XPO7: variants seen among roughly 807,000 people sequenced by gnomAD.
XPO7 encodes the protein exportin-7.
Under a neutral mutation model 144.3 loss-of-function variants are expected in XPO7, and 21 were observed. The observed-to-expected ratio is 0.15, with a 90% CI of 0.10 to 0.21. XPO7 has a LOEUF of 0.21. Among genes scored for constraint, XPO7 ranks in the 10% least tolerant of loss-of-function variants. The pLI is 1.00. For missense variants in XPO7, 808 were observed against 1,325.8 expected, an observed-to-expected ratio of 0.61 and a Z score of 6.06; for synonymous variants, 580 against 499.6, an observed-to-expected ratio of 1.16 and a Z score of -2.15.
Position 22,002,194 on chromosome 8 carries a change from G to A in XPO7, c.2865G>A (p.Lys955=). The part of the protein sequence containing the change: ...YLFKQLSRST[K]KRTTPLNQES... ...TCAAGCAGCTGTCACGTAGCACCAA[G>A]AAGAGGACCACACCCCTGAACCAGG... The change falls in exon 25 of 28, where the codon AAG becomes AAA. Residue 955 remains lysine, a synonymous_variant. Coordinates refer to ENST00000252512, the MANE Select transcript of XPO7 (RefSeq NM_015024.5). The A allele has an allele frequency of 1.2e-6, 2 of 1,613,434 alleles. No homozygotes were observed. Among genetic ancestry groups the A allele is most frequent in the Non-Finnish European group, 1.7e-6 (2 of 1,179,658 alleles).
chr8:21,951,577 A>G (rs938236747), intron 1 of XPO7, among the ~76,000 whole-genome samples: 4 of 152,220 alleles, frequency 2.6e-5, no homozygotes, highest in Admixed American at 2.0e-4. Context: ...AGAGCTGCAC[A>G]TAAAACCACC....
At chr8:21,979,995 GA>G (rs1483324340) in intron 8 of XPO7, 88 bp from the exon 9 acceptor site, 40 of 1,333,860 alleles carry the variant, frequency 3.0e-5, no homozygotes, top group Non-Finnish European at 3.8e-5. Flanking sequence ...ATATCCTAAA[GA>G]AGGATATTGT....
intron 17 of XPO7, 99 bp from the exon 18 acceptor site, chr8:21,990,712 C>A: frequency 1.6e-6 from 2 of 1,230,366 alleles, no homozygotes; most frequent in South Asian, 1.3e-5. Context: ...GACTACATAA[C>A]CATTGGCTTG....
chr8:21,920,712 G>A (rs900983458), intron 1 of XPO7, among the ~76,000 whole-genome samples: 1 of 152,186 alleles, frequency 6.6e-6, no homozygotes, highest in Non-Finnish European at 1.5e-5. Flanking sequence ...TTTCCTGTCT[G>A]TGCCAGAGAT....
At chr8:22,004,934 AAAAG>A in intron 27 of XPO7, 57 bp from the exon 28 acceptor site, 1 of 857,786 alleles carries the variant, frequency 1.2e-6, no homozygotes, top group Non-Finnish European at 1.7e-6. Context: ...AAAAAAAAAA[AAAAG>A]GCAAATACCT....
chr8:21,923,310 G>A (rs976091868), intron 1 of XPO7, among the ~76,000 whole-genome samples: 5 of 152,110 alleles, frequency 3.3e-5, no homozygotes, highest in African/African-American at 4.8e-5. Flanking sequence ...GAGCACACAC[G>A]TAGATACAAG....
chr8:21,951,770 T>A (rs142612846), intron 1 of XPO7, among the ~76,000 whole-genome samples: 1 of 152,332 alleles, frequency 6.6e-6, no homozygotes, highest in African/African-American at 2.4e-5. Context: ...AACCTCACGT[T>A]CTCAGCCCAG....
intron 1 of XPO7, among the ~76,000 whole-genome samples, chr8:21,959,460 C>T (rs769617355): frequency 2.0e-5 from 3 of 152,048 alleles, no homozygotes; most frequent in East Asian, 1.9e-4. Flanking sequence ...CTACAGTAGA[C>T]GGAGGAGTAG....
intron 1 of XPO7, among the ~76,000 whole-genome samples, chr8:21,948,659 T>G (rs1322004515): frequency 1.3e-5 from 2 of 152,242 alleles, no homozygotes; most frequent in African/African-American, 2.4e-5. Context: ...TTCATGTGGT[T>G]CAACCTGATA....
intron 1 of XPO7, among the ~76,000 whole-genome samples, chr8:21,956,834 C>G (rs1468621163): frequency 2.6e-5 from 4 of 151,446 alleles, no homozygotes. Flanking sequence ...GTTTCCTTCT[C>G]CCTATATAGT....
intron 1 of XPO7, among the ~76,000 whole-genome samples, chr8:21,949,602 C>G (rs1490916915): frequency 6.6e-6 from 1 of 152,160 alleles, no homozygotes; most frequent in Non-Finnish European, 1.5e-5. Flanking sequence ...GGAGTGTTAC[C>G]TATAGTGTTA....
intron 8 of XPO7, among the ~76,000 whole-genome samples, chr8:21,978,481 C>G (rs1255270996): frequency 6.6e-6 from 1 of 152,186 alleles, no homozygotes; most frequent in Non-Finnish European, 1.5e-5. Context: ...GAGGACTTTT[C>G]TGGCCATTGT....
intron 27 of XPO7, among the ~76,000 whole-genome samples, 161 bp downstream of exon 27, chr8:22,004,191 T>A (rs528000175): frequency 2.6e-4 from 39 of 152,360 alleles, no homozygotes; most frequent in African/African-American, 9.4e-4. Flanking sequence ...GCAAAATTCA[T>A]TTTAATAATA....
In XPO7 at chr8:21,969,571, A is replaced by G; in HGVS notation, c.254A>G (p.Asp85Gly). ...NNPLPLEQRI[D>G]IRNYVLNYLA... ...CCCCTACCATTGGAACAGCGAATAG[A>G]TATTCGTAAGTGGAGAATTTTCTGT... The change falls in exon 3 of 28, where the codon GAT becomes GGT. Residue 85 changes from aspartate (D) to glycine (G), a missense_variant. Asp to Gly is a moderately conservative substitution (Grantham distance 94). This residue lies in a region of XPO7 where 223 missense variants were observed against 368.8 expected (regional missense o/e 0.60). Coordinates refer to ENST00000252512, the MANE Select transcript of XPO7 (RefSeq NM_015024.5). 6.2e-7 allele frequency: 1 copy of G among 1,613,106 alleles called. No individual in the cohort carries two copies. The highest frequency in any genetic ancestry group is 8.5e-7 in the Non-Finnish European group (1 of 1,179,290).
chr8:21,924,470 C>T (rs751078359), intron 1 of XPO7, among the ~76,000 whole-genome samples: 1 of 145,386 alleles, frequency 6.9e-6, no homozygotes, highest in Non-Finnish European at 1.5e-5. Flanking sequence ...CCACTAACTA[C>T]TATCCTGTCA....
intron 1 of XPO7, among the ~76,000 whole-genome samples, chr8:21,940,619 C>G (rs997772321): frequency 6.6e-6 from 1 of 151,998 alleles, no homozygotes; most frequent in African/African-American, 2.4e-5. Context: ...CAGGTGCATG[C>G]CACCACACCC....
At chr8:21,955,181 C>T (rs1275470925) in intron 1 of XPO7, among the ~76,000 whole-genome samples, 6 of 152,148 alleles carry the variant, frequency 3.9e-5, no homozygotes, top group East Asian at 1.9e-4. Flanking sequence ...TAGTGGAGTA[C>T]GTTGTTTTGG....
intron 27 of XPO7, among the ~76,000 whole-genome samples, 152 bp from the exon 28 acceptor site, chr8:22,004,843 C>T (rs564661596): frequency 3.3e-5 from 5 of 150,936 alleles, no homozygotes; most frequent in East Asian, 3.9e-4. Context: ...CAACTTTTCT[C>T]TTAGAGTCTT....
intron 17 of XPO7, 177 bp downstream of exon 17, chr8:21,990,584 C>T: frequency 3.8e-6 from 3 of 779,672 alleles, no homozygotes; most frequent in Non-Finnish European, 6.2e-6. Flanking sequence ...CTTTGAGATC[C>T]AGATGATGTG....
Sources: gnomAD v4.1 joint callset for allele counts (sites outside exome capture counted in the v4.1 genomes callset) on GRCh38, gnomAD v4.1.1 for gene constraint, gnomAD v4.1.1 regional missense constraint, MANE v1.5 for transcripts, NCBI Gene and HGNC (gene_info 2026-07-23, HGNC 2026-07-21) for gene names.